The following PAK5 variants were observed in gnomAD, a reference collection of about 807,000 sequenced individuals.
PAK5 encodes the protein p21 (RAC1) activated kinase 5.
In PAK5, 16 loss-of-function variants were observed where a neutral mutation model predicts 65.9. The ratio of observed to expected loss-of-function variants is 0.24; its 90% CI spans 0.16 to 0.37. PAK5 has a LOEUF of 0.37. PAK5 is among the 10% of genes least tolerant of loss of function. PAK5 has a pLI of 1.00. For synonymous variants in PAK5, 371 were observed against 354.9 expected (o/e 1.05, Z -0.51); for missense variants, 785 against 903.9 (o/e 0.87, Z 1.69).
intron 5 of PAK5, among the ~76,000 whole-genome samples, chr20:9,563,235 C>T (rs2045619651): frequency 6.6e-6 from 1 of 152,140 alleles, no homozygotes; most frequent in Non-Finnish European, 1.5e-5. Flanking sequence ...AATGGCAGGT[C>T]ACTCTGACAT....
intron 3 of PAK5, among the ~76,000 whole-genome samples, chr20:9,637,471 G>T (rs1221599811): frequency 6.6e-6 from 1 of 152,002 alleles, no homozygotes; most frequent in Non-Finnish European, 1.5e-5. Flanking sequence ...CCCCCCATAG[G>T]TTTAGACCAC....
At chr20:9,646,055 G>T (rs1450719499) in intron 2 of PAK5, among the ~76,000 whole-genome samples, 1 of 152,164 alleles carries the variant, frequency 6.6e-6, no homozygotes, top group Non-Finnish European at 1.5e-5. Flanking sequence ...CCTATAGTAG[G>T]GCTCACAAAA....
At chr20:9,783,541 G>C (rs192963199) in intron 1 of PAK5, among the ~76,000 whole-genome samples, 1 of 151,996 alleles carries the variant, frequency 6.6e-6, no homozygotes, top group Non-Finnish European at 1.5e-5. Context: ...CAACATCTTC[G>C]ATTCTATTTT....
At chr20:9,775,318 T>G (rs1228896423) in intron 1 of PAK5, among the ~76,000 whole-genome samples, 1 of 152,178 alleles carries the variant, frequency 6.6e-6, no homozygotes. Context: ...ATACCAAGTT[T>G]CAGGGCAGCT....
intron 3 of PAK5, among the ~76,000 whole-genome samples, chr20:9,620,567 G>T (rs1040799037): frequency 6.6e-6 from 1 of 152,194 alleles, no homozygotes; most frequent in Non-Finnish European, 1.5e-5. Flanking sequence ...TGGGGAAGAG[G>T]TTGCGCTCTA....
At chr20:9,677,519 C>T (rs2047591296) in intron 2 of PAK5, among the ~76,000 whole-genome samples, 1 of 152,168 alleles carries the variant, frequency 6.6e-6, no homozygotes, top group African/African-American at 2.4e-5. Context: ...AATGTTGATT[C>T]CAGCAACCCC....
intron 1 of PAK5, among the ~76,000 whole-genome samples, chr20:9,829,313 T>A (rs897849426): frequency 6.6e-6 from 1 of 152,214 alleles, no homozygotes; most frequent in Admixed American, 6.5e-5. Context: ...ATCTAGTGAC[T>A]TTTAAATTAT....
rs1190344196 is a variant in PAK5 at position 9,538,250 on chromosome 20, G to T, written c.*1212C>A. ...TATGTCGGAAACACATTATAACATG[G>T]GCACAACTGAAGTCAGATCATACCT... On this transcript the variant is annotated 3_prime_UTR_variant, in exon 10 of 10. Transcript: ENST00000353224. 4.3e-6 allele frequency: 1 copy of T among 233,470 alleles called. No individual in the cohort carries two copies. The highest frequency in any genetic ancestry group is 2.2e-5 in the African/African-American group (1 of 45,318). 14.5% of individuals were successfully genotyped at this position (233,470 alleles called of 1,614,324 possible).
chr20:9,804,583 C>T (rs1337780159), intron 1 of PAK5, among the ~76,000 whole-genome samples: 1 of 152,068 alleles, frequency 6.6e-6, no homozygotes, highest in Non-Finnish European at 1.5e-5. Flanking sequence ...GATCAAAGAC[C>T]TAAATGTAAA....
chr20:9,726,290 T>C (rs1248970891), intron 1 of PAK5, among the ~76,000 whole-genome samples: 1 of 152,154 alleles, frequency 6.6e-6, no homozygotes, highest in South Asian at 2.1e-4. Context: ...TGGTGGGCCA[T>C]TGGCTACTTT....
At chr20:9,596,644 A>C (rs2123087476) in intron 3 of PAK5, among the ~76,000 whole-genome samples, 1 of 150,732 alleles carries the variant, frequency 6.6e-6, no homozygotes, top group African/African-American at 2.4e-5. Context: ...TCAAAAAAAA[A>C]AAAAAAAAAA....
chr20:9,805,484 A>T (rs114258575), intron 1 of PAK5, among the ~76,000 whole-genome samples: 1 of 152,220 alleles, frequency 6.6e-6, no homozygotes, highest in Non-Finnish European at 1.5e-5. Context: ...ATGTTCATCA[A>T]TGATGAATGG....
chr20:9,570,108 T>A (rs905771476), intron 4 of PAK5, among the ~76,000 whole-genome samples: 26 of 152,138 alleles, frequency 1.7e-4, no homozygotes, highest in African/African-American at 5.8e-4. Flanking sequence ...AATGGAACAA[T>A]AATAATACTT....
intron 2 of PAK5, among the ~76,000 whole-genome samples, chr20:9,666,499 T>G (rs2047421379): frequency 6.7e-6 from 1 of 148,864 alleles, no homozygotes; most frequent in South Asian, 2.1e-4. Flanking sequence ...CAAAACCAAG[T>G]AGGAAATACT....
intron 1 of PAK5, among the ~76,000 whole-genome samples, chr20:9,830,318 A>T (rs1402469916): frequency 6.6e-6 from 1 of 152,242 alleles, no homozygotes; most frequent in Admixed American, 6.5e-5. Context: ...AAAAGCAACA[A>T]CATGATTGTT....
At position 9,557,697 on chromosome 20, in the gene PAK5, C is replaced by T; in HGVS notation, c.1654G>A (p.Val552Ile). 6.2e-7 allele frequency: 1 copy of T among 1,611,838 alleles called. No homozygotes were observed. Among genetic ancestry groups the T allele is most frequent in the Non-Finnish European group, 8.5e-7 (1 of 1,178,070 alleles). ...TGAAGGTAGGAGAGAGCTCTCAGAA[C>T]TGACAGGCAGACAGTAGCTATCTGT... is the stretch of plus-strand genomic sequence containing the variant. ...EEQIATVCLS[V>I]LRALSYLHNQ... Residue 552 changes from valine (V) to isoleucine (I), a missense_variant, in exon 7 of 10, where the codon GTT becomes ATT. Val to Ile is a conservative substitution (Grantham distance 29). Transcript: ENST00000353224.
intron 9 of PAK5, among the ~76,000 whole-genome samples, chr20:9,540,748 T>C (rs2045248405): frequency 6.6e-6 from 1 of 151,898 alleles, no homozygotes; most frequent in Admixed American, 6.6e-5. Context: ...TTTTTTTTTT[T>C]TTTTTGGAGA....
chr20:9,550,994 A>G lies in PAK5; in HGVS notation c.1744-6500T>C, dbSNP rs73241749. On this transcript the variant is annotated intron_variant, in intron 7 of 9. Transcript: ENST00000353224. ...CCCCTCAAAATCTGGCATCCTAATA[A>G]CCATCTCCCTGACAAAATGTGAGAT... 8.0e-3 allele frequency among the ~76,000 whole-genome samples: 1,222 copies of G among 152,154 alleles called. 17 individuals carry two copies. The highest frequency in any genetic ancestry group is 0.026 in the African/African-American group (1,077 of 41,490).
intron 2 of PAK5, among the ~76,000 whole-genome samples, chr20:9,659,348 C>T (rs2047312958): frequency 6.6e-6 from 1 of 152,190 alleles, no homozygotes; most frequent in South Asian, 2.1e-4. Flanking sequence ...ATGGGTCACA[C>T]AAACACTTGC....
Sources: allele counts gnomAD v4.1 joint callset (sites outside exome capture counted in the v4.1 genomes callset), GRCh38; gene constraint gnomAD v4.1.1; transcripts MANE v1.5; gene names NCBI Gene and HGNC (gene_info 2026-07-23, HGNC 2026-07-21).